Variants in RBFOX1 observed in about 807,000 individuals in gnomAD.
RBFOX1 encodes the protein RNA binding fox-1 homolog 1.
RBFOX1 carries 8 observed loss-of-function variants against 57.7 expected under a neutral mutation model. The observed-to-expected ratio is 0.14, with a 90% CI of 0.08 to 0.25. The LOEUF (loss-of-function observed/expected upper bound fraction) is 0.25. Ranked by LOEUF, RBFOX1 falls within the 10% of genes least tolerant of loss-of-function variation. RBFOX1 has a pLI of 1.00. For synonymous variants in RBFOX1, 326 were observed against 222.4 expected (o/e 1.47, Z -4.15); for missense variants, 611 against 548.5 (o/e 1.11, Z -1.14).
chr16:7,218,695 A>G (rs1442617047), intron 4 of RBFOX1, among the ~76,000 whole-genome samples: 1 of 115,346 alleles, frequency 8.7e-6, no homozygotes, highest in South Asian at 2.6e-4. Context: ...TTTGTTCCTA[A>G]CTGGCTGTGA....
At chr16:7,284,706 T>G (rs2095614497) in intron 4 of RBFOX1, among the ~76,000 whole-genome samples, 2 of 152,196 alleles carry the variant, frequency 1.3e-5, no homozygotes, top group Non-Finnish European at 2.9e-5. Context: ...ATCCTGGATC[T>G]GATACTTCCT....
chr16:6,918,160 T>G (rs188823346), intron 3 of RBFOX1, among the ~76,000 whole-genome samples: 1 of 152,006 alleles, frequency 6.6e-6, no homozygotes, highest in East Asian at 1.9e-4. Flanking sequence ...TGCTAGCCTG[T>G]AGTCCCAGCT....
At chr16:6,742,661 A>C (rs1390024832) in intron 3 of RBFOX1, among the ~76,000 whole-genome samples, 1 of 152,226 alleles carries the variant, frequency 6.6e-6, no homozygotes, top group African/African-American at 2.4e-5. Flanking sequence ...ATAAAAACTG[A>C]ATGAACTATC....
At chr16:7,004,420 G>C (rs2093119330) in intron 3 of RBFOX1, among the ~76,000 whole-genome samples, 1 of 152,122 alleles carries the variant, frequency 6.6e-6, no homozygotes, top group Non-Finnish European at 1.5e-5. Context: ...ACCCAAGCTG[G>C]TCAGCATTTG....
At chr16:6,381,115 C>A (rs1254011353) in intron 2 of RBFOX1, among the ~76,000 whole-genome samples, 2 of 152,064 alleles carry the variant, frequency 1.3e-5, no homozygotes, top group African/African-American at 2.4e-5. Flanking sequence ...AAATGGGAGA[C>A]AAAAGAATTT....
intron 1 of RBFOX1, among the ~76,000 whole-genome samples, chr16:5,255,181 G>A (rs1233008256): frequency 1.3e-5 from 2 of 152,244 alleles, no homozygotes; most frequent in Non-Finnish European, 1.5e-5. Flanking sequence ...CCATAATCAT[G>A]AGTATTACAG....
At chr16:5,924,562 A>G (rs185022107) in intron 4 of RBFOX1, among the ~76,000 whole-genome samples, 1 of 151,828 alleles carries the variant, frequency 6.6e-6, no homozygotes, top group African/African-American at 2.4e-5. Context: ...GTACTCACCA[A>G]CTCCCCTTCA....
At chr16:6,431,885 C>A (rs538783024) in intron 2 of RBFOX1, among the ~76,000 whole-genome samples, 2 of 109,716 alleles carry the variant, frequency 1.8e-5, no homozygotes, top group South Asian at 6.9e-4. Flanking sequence ...CAGAAATATG[C>A]TTGCTTGCTT....
intron 3 of RBFOX1, among the ~76,000 whole-genome samples, chr16:6,863,683 A>AG (rs56204298): frequency 2.8e-5 from 4 of 145,294 alleles, no homozygotes; most frequent in African/African-American, 1.0e-4. Flanking sequence ...AAAAAAAAAA[A>AG]GAAAAAAAGA....
intron 2 of RBFOX1, among the ~76,000 whole-genome samples, chr16:5,484,436 C>A (rs191129362): frequency 1.3e-5 from 2 of 152,318 alleles, no homozygotes; most frequent in East Asian, 3.9e-4. Flanking sequence ...TTCAAAATAA[C>A]CTAATCTTGG....
chr16:7,497,957 A>C (rs1661130095), intron 4 of RBFOX1, among the ~76,000 whole-genome samples: 1 of 152,202 alleles, frequency 6.6e-6, no homozygotes, highest in African/African-American at 2.4e-5. Flanking sequence ...AGTTGATTTC[A>C]CACAGAGTAA....
At chr16:6,090,037 T>G (rs1473882188) in intron 1 of RBFOX1, 1 of 152,220 alleles carries the variant, frequency 6.6e-6, no homozygotes, top group Non-Finnish European at 1.5e-5. Context: ...AATCTTTTGG[T>G]GGCTTTGGGT....
chr16:7,384,160 A>G lies in RBFOX1; in HGVS notation c.28-133987A>G, dbSNP rs141756124. The stretch of plus-strand genomic sequence containing the variant: ...ATTTACGGGAGAGATATGTATGCTT[A>G]TCTGTGCTTTTCATATATATATGAA... On this transcript the variant is annotated intron_variant, in intron 4 of 15. Transcript: ENST00000550418. Among the ~76,000 whole-genome samples the G allele has an allele frequency of 2.8e-3, 425 of 152,050 alleles. 1 individual carries two copies. The highest frequency in any genetic ancestry group is 9.9e-3 in the African/African-American group (412 of 41,498).
intron 4 of RBFOX1, among the ~76,000 whole-genome samples, chr16:7,247,469 G>A (rs1378621884): frequency 1.3e-5 from 2 of 152,146 alleles, no homozygotes; most frequent in African/African-American, 2.4e-5. Context: ...CCTGGTATGT[G>A]ATAGGCACTC....
rs1331602548 is a variant in RBFOX1, at chr16:6,888,065, C to T, written c.-15-163992C>T. Among the ~76,000 whole-genome samples the T allele has an allele frequency of 2.6e-5, 4 of 151,362 alleles. No homozygotes were observed. The East Asian group carries it at 6.6e-4, about 25-fold the overall frequency. ...TGTGTCTGATTTGGGGAAGACGTTC[C>T]CAGGTAATTAGTGTAAAATTTTTAA... On this transcript the variant is annotated intron_variant, in intron 3 of 15. Coordinates refer to ENST00000550418, the MANE Select transcript of RBFOX1 (RefSeq NM_018723.4).
chr16:7,076,151 C>T (rs1243623709), intron 4 of RBFOX1, among the ~76,000 whole-genome samples: 4 of 151,818 alleles, frequency 2.6e-5, no homozygotes, highest in South Asian at 2.1e-4. Context: ...AAGTGATTCC[C>T]CTGCCTCAGC....
chr16:6,566,410 C>T (rs1295043680), intron 2 of RBFOX1, among the ~76,000 whole-genome samples: 1 of 152,036 alleles, frequency 6.6e-6, no homozygotes, highest in African/African-American at 2.4e-5. Context: ...TGTGGCTAGA[C>T]GTAGGGACCT....
At chr16:5,501,845 T>C (rs2043208525) in intron 2 of RBFOX1, among the ~76,000 whole-genome samples, 1 of 152,072 alleles carries the variant, frequency 6.6e-6, no homozygotes, top group Non-Finnish European at 1.5e-5. Flanking sequence ...TCCCAGTACA[T>C]GCTGGGACTA....
intron 3 of RBFOX1, among the ~76,000 whole-genome samples, chr16:7,028,538 G>C (rs1266259784): frequency 7.2e-6 from 1 of 138,480 alleles, no homozygotes; most frequent in Non-Finnish European, 1.5e-5. Flanking sequence ...AGTGAGCTGA[G>C]GTTGAAGCAT....
Sources: gnomAD v4.1 joint callset for allele counts (sites outside exome capture counted in the v4.1 genomes callset) on GRCh38, gnomAD v4.1.1 for gene constraint, MANE v1.5 for transcripts, NCBI Gene and HGNC (gene_info 2026-07-23, HGNC 2026-07-21) for gene names.